Variants in RUNX1 observed in about 807,000 individuals in gnomAD.
RUNX1 encodes the protein runt-related transcription factor 1.
A neutral mutation model predicts 42.8 loss-of-function variants in RUNX1; 19 were observed. The ratio of observed to expected loss-of-function variants is 0.44; its 90% CI spans 0.31 to 0.65. The LOEUF is 0.65. RUNX1 is among the 30% of genes least tolerant of loss of function. The pLI is 0.07. For missense variants in RUNX1, 528 were observed against 672.0 expected (o/e 0.79, Z 2.37); for synonymous variants, 271 against 289.4 (o/e 0.94, Z 0.64).
At chr21:34,944,221 G>A (rs2058548434) in intron 2 of RUNX1, among the ~76,000 whole-genome samples, 2 of 152,104 alleles carry the variant, frequency 1.3e-5, no homozygotes. Context: ...TGTTGGCCAG[G>A]CTTGTCTCGA....
At chr21:34,950,883 A>C (rs563423486) in intron 2 of RUNX1, among the ~76,000 whole-genome samples, 1 of 152,234 alleles carries the variant, frequency 6.6e-6, no homozygotes, top group African/African-American at 2.4e-5. Flanking sequence ...AGCGTGGTTT[A>C]GGGGAGGCAC....
At chr21:34,971,572 C>T (rs542069321) in intron 2 of RUNX1, among the ~76,000 whole-genome samples, 2 of 152,110 alleles carry the variant, frequency 1.3e-5, no homozygotes, top group Non-Finnish European at 2.9e-5. Flanking sequence ...TATCCACCCA[C>T]CCTTCCATCA....
chr21:34,904,945 A>G (rs7364040), intron 2 of RUNX1, among the ~76,000 whole-genome samples: 9,659 of 151,542 alleles, frequency 0.064, 1,018 homozygotes, highest in African/African-American at 0.22. Context: ...TTTAACCAAA[A>G]ACACCAAATA....
chr21:34,835,804 T>G (rs1454641525), intron 6 of RUNX1, among the ~76,000 whole-genome samples: 1 of 152,168 alleles, frequency 6.6e-6, no homozygotes, highest in Non-Finnish European at 1.5e-5. Context: ...AAAGTGCTAT[T>G]TCACATGCCC....
rs149977399 is a variant in RUNX1, at chr21:35,009,986, A to G, written c.58+38856T>C. 1.2e-4 allele frequency among the ~76,000 whole-genome samples: 19 copies of G among 152,334 alleles called. No homozygotes were observed. In the East Asian group the frequency reaches 3.5e-3, roughly 28 times the overall value. ...TGTGTTAGACAAATCACACGCTGGT[A>G]TAACTAGGCTGGATGAAAGTCTATC... On this transcript the variant is annotated intron_variant, in intron 2 of 8. Coordinates refer to ENST00000675419, the MANE Select transcript of RUNX1 (RefSeq NM_001754.5).
intron 2 of RUNX1, among the ~76,000 whole-genome samples, chr21:35,025,496 C>G (rs2059228889): frequency 6.6e-6 from 1 of 152,208 alleles, no homozygotes; most frequent in Admixed American, 6.5e-5. Context: ...TATTAACACC[C>G]AGCACACGCT....
intron 5 of RUNX1, among the ~76,000 whole-genome samples, chr21:34,876,748 T>C (rs2057819899): frequency 6.6e-6 from 1 of 152,258 alleles, no homozygotes; most frequent in Non-Finnish European, 1.5e-5. Context: ...TCTTTGGTTC[T>C]GAAATGAAAT....
intron 2 of RUNX1, among the ~76,000 whole-genome samples, chr21:35,000,964 T>C (rs1164243471): frequency 1.3e-5 from 2 of 152,176 alleles, no homozygotes; most frequent in South Asian, 2.1e-4. Flanking sequence ...TCCAGACTTT[T>C]GGTCTTTCCC....
chr21:34,809,119 A>C (rs2056723444), intron 7 of RUNX1, among the ~76,000 whole-genome samples: 1 of 152,092 alleles, frequency 6.6e-6, no homozygotes, highest in Admixed American at 6.5e-5. Context: ...CCCCGTATAC[A>C]ACTTTCCAGG....
chr21:34,889,874 A>G, intron 3 of RUNX1: 2 of 1,075,076 alleles, frequency 1.9e-6, no homozygotes, highest in Non-Finnish European at 2.3e-6. Context: ...CGGGCCCTGC[A>G]CCTCCCGGGG....
intron 2 of RUNX1, among the ~76,000 whole-genome samples, chr21:35,001,095 A>T (rs187615187): frequency 6.6e-6 from 1 of 152,272 alleles, no homozygotes; most frequent in East Asian, 1.9e-4. Flanking sequence ...TCTACCAGTC[A>T]TCGACTAATG....
chr21:34,821,329 G>A, intron 7 of RUNX1: 1 of 1,166,630 alleles, frequency 8.6e-7, no homozygotes, highest in Non-Finnish European at 1.1e-6. Flanking sequence ...AAGTGTACCG[G>A]GATCCATGCT....
At chr21:34,968,891 T>C (rs1258087406) in intron 2 of RUNX1, among the ~76,000 whole-genome samples, 1 of 152,204 alleles carries the variant, frequency 6.6e-6, no homozygotes, top group African/African-American at 2.4e-5. Context: ...GAGACCTACG[T>C]GGTTCTACAT....
chr21:34,828,957 C>T (rs961106318), intron 7 of RUNX1, among the ~76,000 whole-genome samples: 1 of 152,188 alleles, frequency 6.6e-6, no homozygotes, highest in Non-Finnish European at 1.5e-5. Flanking sequence ...TAACAGCTAA[C>T]AGTTTTTGAG....
intron 3 of RUNX1, chr21:34,888,733 G>A (rs990204582): frequency 2.0e-6 from 2 of 1,008,350 alleles, no homozygotes; most frequent in Non-Finnish European, 2.4e-6. Flanking sequence ...CTGTAAGCCC[G>A]GCCGGAGGAA....
intron 7 of RUNX1, among the ~76,000 whole-genome samples, chr21:34,814,646 T>C (rs184934021): frequency 3.3e-5 from 5 of 152,262 alleles, no homozygotes; most frequent in African/African-American, 9.6e-5. Flanking sequence ...TGAAATGCAA[T>C]TACCCAGGCA....
chr21:34,851,026 G>A (rs760736545), intron 6 of RUNX1, among the ~76,000 whole-genome samples: 10 of 152,114 alleles, frequency 6.6e-5, no homozygotes, highest in Admixed American at 1.3e-4. Flanking sequence ...AACTGTCCCC[G>A]TTTTGGAGAG....
At chr21:34,932,004 G>C (rs1449944511) in intron 2 of RUNX1, among the ~76,000 whole-genome samples, 8 of 152,254 alleles carry the variant, frequency 5.3e-5, no homozygotes, top group Middle Eastern at 3.4e-3. Context: ...GGACTGAAGT[G>C]GGGGAGGATA....
chr21:34,825,193 T>C (rs1336363528), intron 7 of RUNX1, among the ~76,000 whole-genome samples: 1 of 152,200 alleles, frequency 6.6e-6, no homozygotes. Flanking sequence ...GTCAAATTCT[T>C]GAGTCCATCC....
Sources: gnomAD v4.1 joint callset for allele counts (sites outside exome capture counted in the v4.1 genomes callset) on GRCh38, gnomAD v4.1.1 for gene constraint, MANE v1.5 for transcripts, NCBI Gene and HGNC (gene_info 2026-07-23, HGNC 2026-07-21) for gene names.